Variants in GNG4 observed in about 807,000 individuals in gnomAD.
GNG4 encodes G protein subunit gamma 4.
Under a neutral mutation model 5.8 loss-of-function variants are expected in GNG4, and 4 were observed. That is an observed-to-expected ratio of 0.69 (90% CI 0.34 to 1.57). The LOEUF is 1.57. Ranked by LOEUF, GNG4 falls within the 40% of genes most tolerant of loss-of-function variation. The probability of loss-of-function intolerance (pLI) is 0.06; values close to 1 mark genes in which losing one functional copy is unlikely to be tolerated. For missense variants in GNG4, 96 were observed against 95.1 expected, an observed-to-expected ratio of 1.01 and a Z score of -0.04; for synonymous variants, 29 against 32.9, an observed-to-expected ratio of 0.88 and a Z score of 0.41.
At chr1:235,553,404 C>T (rs970778269) in intron 3 of GNG4, among the ~76,000 whole-genome samples, 3 of 152,180 alleles carry the variant, frequency 2.0e-5, no homozygotes, top group African/African-American at 4.8e-5. Context: ...GGGGTAAATA[C>T]ATAGCAGTCA....
chr1:235,593,074 G>C (rs1024224718), intron 2 of GNG4, among the ~76,000 whole-genome samples: 2 of 151,676 alleles, frequency 1.3e-5, no homozygotes, highest in African/African-American at 4.9e-5. Flanking sequence ...TCAGCCTCCT[G>C]AGTAGTTGGG....
At chr1:235,600,177 C>T (rs185906444) in intron 1 of GNG4, among the ~76,000 whole-genome samples, 9 of 133,024 alleles carry the variant, frequency 6.8e-5, no homozygotes, top group Admixed American at 4.2e-4. Flanking sequence ...TACAGTGGCA[C>T]GATCTTGGCA....
rs190532518 is a variant in GNG4 at position 235,548,317 on chromosome 1, T to C, written c.*3792A>G. On this transcript the variant is annotated 3_prime_UTR_variant, in exon 4 of 4. Coordinates refer to ENST00000391854, the MANE Select transcript of GNG4 (RefSeq NM_001098722.2). ...GACAGAAAACTAGAAGGGAGGTCTG[T>C]AGGAAGATAGGTGGAGGCGGAGACA... is the stretch of plus-strand genomic sequence containing the variant. 25 of 152,272 alleles carry C rather than the reference T, an allele frequency of 1.6e-4. No homozygotes were observed. Among genetic ancestry groups the C allele is most frequent in the African/African-American group, 4.1e-4 (17 of 41,530 alleles). The allele number at this position is 152,272 out of a possible 1,614,324, so 9.4% of individuals were successfully genotyped here.
intron 1 of GNG4, among the ~76,000 whole-genome samples, chr1:235,639,695 G>A (rs1057343633): frequency 6.6e-6 from 1 of 152,110 alleles, no homozygotes; most frequent in Non-Finnish European, 1.5e-5. Flanking sequence ...CAGTAGAGAC[G>A]GGGTTTCACC....
chr1:235,609,490 A>G (rs1294547063), intron 1 of GNG4, among the ~76,000 whole-genome samples: 1 of 152,180 alleles, frequency 6.6e-6, no homozygotes, highest in Admixed American at 6.5e-5. Context: ...TTGCCTAATG[A>G]CTAATGATGT....
At chr1:235,611,203 C>T (rs1457644649) in intron 1 of GNG4, among the ~76,000 whole-genome samples, 6 of 151,258 alleles carry the variant, frequency 4.0e-5, no homozygotes, top group Non-Finnish European at 5.9e-5. Flanking sequence ...GGTTTCACTC[C>T]GTCACCCAGG....
chr1:235,603,002 A>C (rs1202862163), intron 1 of GNG4, among the ~76,000 whole-genome samples: 1 of 152,146 alleles, frequency 6.6e-6, no homozygotes, highest in African/African-American at 2.4e-5. Flanking sequence ...TAATCCCAGC[A>C]CTTTGGGAGG....
At chr1:235,628,350 C>G (rs1010893314) in intron 1 of GNG4, among the ~76,000 whole-genome samples, 2 of 151,508 alleles carry the variant, frequency 1.3e-5, no homozygotes, top group African/African-American at 2.4e-5. Flanking sequence ...GCATTGCCTG[C>G]AGGACCGGAG....
chr1:235,575,256 T>A (rs553661711), intron 3 of GNG4, among the ~76,000 whole-genome samples: 1 of 152,224 alleles, frequency 6.6e-6, no homozygotes, highest in Non-Finnish European at 1.5e-5. Flanking sequence ...ACGCATTCAG[T>A]ATGCTCCTCC....
At chr1:235,620,190 C>T (rs1688676008) in intron 1 of GNG4, among the ~76,000 whole-genome samples, 1 of 152,074 alleles carries the variant, frequency 6.6e-6, no homozygotes, top group Admixed American at 6.6e-5. Context: ...ATGGAGAAAC[C>T]CTGTCTCTAT....
intron 1 of GNG4, among the ~76,000 whole-genome samples, chr1:235,596,069 G>A (rs567041375): frequency 1.4e-3 from 219 of 152,276 alleles, no homozygotes; most frequent in Non-Finnish European, 2.7e-3. Context: ...AGCTACCTGG[G>A]AGGCTGAGGC....
At chr1:235,634,922 A>G (rs1689003970) in intron 1 of GNG4, among the ~76,000 whole-genome samples, 1 of 151,684 alleles carries the variant, frequency 6.6e-6, no homozygotes, top group Non-Finnish European at 1.5e-5. Context: ...CGACAAGAGC[A>G]AAACTCTGTC....
At chr1:235,628,995 T>A (rs1012302306) in intron 1 of GNG4, among the ~76,000 whole-genome samples, 240 of 125,002 alleles carry the variant, frequency 1.9e-3, no homozygotes, top group African/African-American at 0.011. Context: ...TTGCTTGAAT[T>A]TTTTTTTTTT....
intron 1 of GNG4, among the ~76,000 whole-genome samples, chr1:235,630,600 C>G (rs1688911983): frequency 6.6e-6 from 1 of 152,216 alleles, no homozygotes; most frequent in African/African-American, 2.4e-5. Context: ...CTGTCATACG[C>G]AAGTCCTGTC....
In GNG4 at chr1:235,549,061, C is replaced by CG. The variant is rs1420768746; in HGVS notation, c.*3047dup. On this transcript the variant is annotated 3_prime_UTR_variant, in exon 4 of 4. Coordinates refer to ENST00000391854, the MANE Select transcript of GNG4 (RefSeq NM_001098722.2). The stretch of plus-strand genomic sequence containing the variant: ...TACAAAAATTAGCCGGGTGTGGTGG[C>CG]GGGCGCCTGCAATCCCAGCTCCTCG... 2 of 152,342 alleles carry CG rather than the reference C, an allele frequency of 1.3e-5. No individual in the cohort carries two copies. Among genetic ancestry groups the CG allele is most frequent in the Non-Finnish European group, 2.9e-5 (2 of 68,200 alleles). The allele number at this position is 152,342 out of a possible 1,614,324, so 9.4% of individuals were successfully genotyped here.
At chr1:235,616,859 C>T (rs1688600814) in intron 1 of GNG4, among the ~76,000 whole-genome samples, 2 of 151,986 alleles carry the variant, frequency 1.3e-5, no homozygotes, top group Admixed American at 1.3e-4. Context: ...CTGCCTCAGC[C>T]TCCCCAGTAG....
intron 3 of GNG4, 128 bp from the exon 4 acceptor site, chr1:235,552,365 T>C: frequency 1.3e-6 from 1 of 771,800 alleles, no homozygotes; most frequent in Non-Finnish European, 2.1e-6. Context: ...GCCTACAACA[T>C]GGTCATGCCC....
chr1:235,595,066 C>A (rs903317724), intron 2 of GNG4, among the ~76,000 whole-genome samples: 7 of 151,576 alleles, frequency 4.6e-5, no homozygotes, highest in African/African-American at 1.5e-4. Flanking sequence ...CATCTCTTTT[C>A]CCACAGGGAA....
intron 3 of GNG4, among the ~76,000 whole-genome samples, chr1:235,556,438 A>C (rs571735699): frequency 7.3e-5 from 11 of 151,600 alleles, no homozygotes; most frequent in Middle Eastern, 3.4e-3. Flanking sequence ...CATGCCTGTA[A>C]TCCCAGCTAC....
Sources: allele counts gnomAD v4.1 joint callset (sites outside exome capture counted in the v4.1 genomes callset), GRCh38; gene constraint gnomAD v4.1.1; transcripts MANE v1.5; gene names NCBI Gene and HGNC (gene_info 2026-07-23, HGNC 2026-07-21).